FSTL4: variants seen among roughly 807,000 people sequenced by gnomAD.
FSTL4 encodes the protein follistatin like 4.
In FSTL4, 28 loss-of-function variants were observed where a neutral mutation model predicts 78.2. The observed-to-expected ratio is 0.36, with a 90% CI of 0.27 to 0.49. The LOEUF (loss-of-function observed/expected upper bound fraction) is 0.49, where lower values mean the gene tolerates loss of function less well. FSTL4 is among the 20% of genes least tolerant of loss of function. The pLI is 0.98. For synonymous variants in FSTL4, 422 were observed against 440.5 expected (o/e 0.96, Z 0.53); for missense variants, 922 against 1,084.9 (o/e 0.85, Z 2.11).
the FSTL4 span, among the ~76,000 whole-genome samples, chr5:133,817,555 C>T: frequency 5.5e-3 from 834 of 152,320 alleles, 13 homozygotes; most frequent in Admixed American, 0.021. Flanking sequence ...GGACCGGCTT[C>T]TGTCCCAGGA....
At chr5:133,388,870 C>T (rs13159136) in intron 4 of FSTL4, among the ~76,000 whole-genome samples, 6,525 of 151,746 alleles carry the variant, frequency 0.043, 221 homozygotes, top group South Asian at 0.077. Flanking sequence ...TTCTCATTCT[C>T]GGTGTATTTG....
intron 4 of FSTL4, among the ~76,000 whole-genome samples, chr5:133,389,651 GC>G (rs1333385718): frequency 2.0e-5 from 3 of 152,286 alleles, no homozygotes; most frequent in Non-Finnish European, 4.4e-5. Flanking sequence ...GAAAGGTTCT[GC>G]CCTTCATATC....
the FSTL4 span, among the ~76,000 whole-genome samples, chr5:133,690,272 G>A: frequency 2.0e-5 from 3 of 152,106 alleles, no homozygotes; most frequent in South Asian, 6.2e-4. Context: ...ACCTCCAAAA[G>A]GGCTATCTGC....
chr5:133,382,370 T>C (rs962372001), intron 4 of FSTL4, among the ~76,000 whole-genome samples: 10 of 152,204 alleles, frequency 6.6e-5, no homozygotes, highest in African/African-American at 2.2e-4. Context: ...AACCTAACAC[T>C]CCTCTGAAAC....
At chr5:133,253,791 C>T (rs1752318896) in intron 6 of FSTL4, among the ~76,000 whole-genome samples, 1 of 152,184 alleles carries the variant, frequency 6.6e-6, no homozygotes, top group Non-Finnish European at 1.5e-5. Flanking sequence ...TCCCTATTAC[C>T]CACAGATCAC....
intron 2 of FSTL4, among the ~76,000 whole-genome samples, chr5:133,582,518 G>C (rs1760438668): frequency 6.6e-6 from 1 of 152,140 alleles, no homozygotes; most frequent in Non-Finnish European, 1.5e-5. Context: ...TGAAAGAAGT[G>C]CTCATCATTG....
intron 3 of FSTL4, among the ~76,000 whole-genome samples, chr5:133,412,232 C>T (rs1295606291): frequency 6.6e-6 from 1 of 152,078 alleles, no homozygotes; most frequent in Non-Finnish European, 1.5e-5. Flanking sequence ...GATGTGCCTT[C>T]CCAGATACTA....
At chr5:133,494,629 A>T (rs1175563655) in intron 3 of FSTL4, among the ~76,000 whole-genome samples, 1 of 152,244 alleles carries the variant, frequency 6.6e-6, no homozygotes, top group Admixed American at 6.5e-5. Flanking sequence ...GATTCCTATC[A>T]TAGGTTTTGA....
At chr5:133,577,470 G>T (rs112980832) in intron 2 of FSTL4, among the ~76,000 whole-genome samples, 18 of 152,250 alleles carry the variant, frequency 1.2e-4, no homozygotes, top group South Asian at 2.1e-4. Flanking sequence ...AGTCAAAGGT[G>T]GGGGAGGCAC....
intron 6 of FSTL4, among the ~76,000 whole-genome samples, chr5:133,279,214 A>G (rs1752957140): frequency 6.6e-6 from 1 of 152,244 alleles, no homozygotes; most frequent in Non-Finnish European, 1.5e-5. Flanking sequence ...GCTGCACAGC[A>G]GGAGGTGAGC....
At chr5:133,360,312 T>C (rs571754612) in intron 4 of FSTL4, among the ~76,000 whole-genome samples, 1 of 152,344 alleles carries the variant, frequency 6.6e-6, no homozygotes, top group South Asian at 2.1e-4. Flanking sequence ...CACTGTTGAA[T>C]TCAAAGCTGG....
At chr5:133,794,055 T>C in the FSTL4 span, among the ~76,000 whole-genome samples, 3 of 152,174 alleles carry the variant, frequency 2.0e-5, no homozygotes, top group Non-Finnish European at 2.9e-5. Context: ...CGCTTGCCCT[T>C]TCCTGGGAGA....
At chr5:133,706,963 G>A in the FSTL4 span, among the ~76,000 whole-genome samples, 1 of 152,146 alleles carries the variant, frequency 6.6e-6, no homozygotes, top group Non-Finnish European at 1.5e-5. Context: ...TGCAGATGGC[G>A]AGGTAAAGGC....
intron 6 of FSTL4, among the ~76,000 whole-genome samples, chr5:133,303,294 C>T (rs1442599236): frequency 6.6e-6 from 1 of 152,162 alleles, no homozygotes; most frequent in Non-Finnish European, 1.5e-5. Context: ...GGAAGGGCCA[C>T]GATAAGTAGG....
chr5:133,796,837 G>T, the FSTL4 span, among the ~76,000 whole-genome samples: 4 of 152,066 alleles, frequency 2.6e-5, no homozygotes, highest in Admixed American at 6.6e-5. Context: ...AGGCTTGAAG[G>T]TGAGGCCTTT....
chr5:133,490,879 T>A (rs904800505), intron 3 of FSTL4, among the ~76,000 whole-genome samples: 1 of 152,208 alleles, frequency 6.6e-6, no homozygotes, highest in Admixed American at 6.5e-5. Flanking sequence ...TAGTCATCAT[T>A]TTCAAATATC....
intron 3 of FSTL4, among the ~76,000 whole-genome samples, chr5:133,469,906 A>G (rs2112847361): frequency 6.6e-6 from 1 of 152,242 alleles, no homozygotes; most frequent in Admixed American, 6.5e-5. Flanking sequence ...GGATGGGGAA[A>G]AATTGAAGCG....
chr5:133,343,502 C>T (rs1243033159), intron 4 of FSTL4, among the ~76,000 whole-genome samples: 1 of 152,176 alleles, frequency 6.6e-6, no homozygotes, highest in African/African-American at 2.4e-5. Context: ...TCCTTCTGAA[C>T]CCTGGGGCTT....
intron 6 of FSTL4, among the ~76,000 whole-genome samples, chr5:133,270,763 C>T (rs1752750408): frequency 6.6e-6 from 1 of 152,102 alleles, no homozygotes; most frequent in Non-Finnish European, 1.5e-5. Context: ...GGCAGGTCAC[C>T]CCTACTCTAT....
Sources: allele counts gnomAD v4.1 joint callset (sites outside exome capture counted in the v4.1 genomes callset), GRCh38; gene constraint gnomAD v4.1.1; transcripts MANE v1.5; gene names NCBI Gene and HGNC (gene_info 2026-07-23, HGNC 2026-07-21).